The following DTNA variants were observed in gnomAD, a reference collection of about 807,000 sequenced individuals.
The protein encoded by DTNA is dystrobrevin alpha.
Under a neutral mutation model 100.7 loss-of-function variants are expected in DTNA, and 43 were observed. The observed-to-expected ratio is 0.43, with a 90% CI of 0.33 to 0.55. The LOEUF is 0.55. Ranked by LOEUF, DTNA falls within the 20% of genes least tolerant of loss-of-function variation. The pLI, the probability that DTNA is intolerant of heterozygous loss-of-function variation, is 0.04. For synonymous variants in DTNA, 349 were observed against 347.9 expected (o/e 1.00, Z -0.04); for missense variants, 798 against 953.9 (o/e 0.84, Z 2.15).
At chr18:34,520,521 G>A (rs2145197524) in intron 1 of DTNA, among the ~76,000 whole-genome samples, 1 of 152,192 alleles carries the variant, frequency 6.6e-6, no homozygotes, top group Non-Finnish European at 1.5e-5. Flanking sequence ...GGGCATGGTG[G>A]CACATGCCTG....
chr18:34,701,840 G>A (rs573092298), intron 1 of DTNA, among the ~76,000 whole-genome samples: 11 of 152,044 alleles, frequency 7.2e-5, no homozygotes, highest in Non-Finnish European at 1.5e-4. Context: ...CAAATGTGTC[G>A]CTTGTCATTG....
intron 1 of DTNA, among the ~76,000 whole-genome samples, chr18:34,731,581 G>A (rs1225772194): frequency 6.6e-6 from 1 of 152,118 alleles, no homozygotes; most frequent in Admixed American, 6.5e-5. Flanking sequence ...ATGAAGAAAT[G>A]ATGATGATGA....
intron 1 of DTNA, among the ~76,000 whole-genome samples, chr18:34,566,564 T>C (rs1041046359): frequency 6.6e-6 from 1 of 152,342 alleles, no homozygotes; most frequent in African/African-American, 2.4e-5. Flanking sequence ...CTGTCTTCTT[T>C]GAAATATGAG....
chr18:34,635,014 A>G (rs182255994), intron 1 of DTNA, among the ~76,000 whole-genome samples: 40 of 152,208 alleles, frequency 2.6e-4, no homozygotes, highest in Admixed American at 1.3e-4. Flanking sequence ...GTATCCTTCA[A>G]CCAATATCCC....
At chr18:34,818,587 G>C in intron 8 of DTNA, 1 of 1,326,674 alleles carries the variant, frequency 7.5e-7, no homozygotes, top group Admixed American at 3.1e-5. Flanking sequence ...AGATAATTCA[G>C]TACTGATTTA....
At chr18:34,811,129 T>C (rs955730989) in intron 5 of DTNA, among the ~76,000 whole-genome samples, 1 of 152,192 alleles carries the variant, frequency 6.6e-6, no homozygotes, top group Non-Finnish European at 1.5e-5. Flanking sequence ...ACAAACTATA[T>C]AATAGCAAAC....
At chr18:34,805,673 A>G (rs756840554) in intron 4 of DTNA, among the ~76,000 whole-genome samples, 2 of 152,112 alleles carry the variant, frequency 1.3e-5, no homozygotes, top group Non-Finnish European at 2.9e-5. Context: ...TTTGAAAAGT[A>G]AATATATCAC....
At chr18:34,622,421 G>C (rs567151051) in intron 1 of DTNA, among the ~76,000 whole-genome samples, 15 of 152,292 alleles carry the variant, frequency 9.8e-5, no homozygotes, top group South Asian at 6.2e-4. Flanking sequence ...CTACGGTTTG[G>C]TGTACATGAC....
At chr18:34,778,430 G>T (rs897154140) in intron 3 of DTNA, among the ~76,000 whole-genome samples, 1 of 152,076 alleles carries the variant, frequency 6.6e-6, no homozygotes, top group Non-Finnish European at 1.5e-5. Context: ...TGTATTCAAT[G>T]CTTTTTAAAA....
intron 2 of DTNA, among the ~76,000 whole-genome samples, chr18:34,765,622 A>G (rs771482913): frequency 1.3e-5 from 2 of 152,210 alleles, no homozygotes; most frequent in Non-Finnish European, 2.9e-5. Flanking sequence ...TGATGATAGT[A>G]TCTATATCAT....
At chr18:34,631,482 T>C (rs1453869616) in intron 1 of DTNA, among the ~76,000 whole-genome samples, 1 of 152,150 alleles carries the variant, frequency 6.6e-6, no homozygotes, top group Non-Finnish European at 1.5e-5. Flanking sequence ...GTGTCACTGT[T>C]GATATTTGAA....
chr18:34,808,324 G>A (rs777057153), intron 5 of DTNA, among the ~76,000 whole-genome samples: 7 of 152,276 alleles, frequency 4.6e-5, no homozygotes, highest in Middle Eastern at 6.8e-3. Flanking sequence ...TGAGGGAGGG[G>A]GGCTTGGTGG....
At chr18:34,583,392 AATTTGTTCCCTTT>A (rs1375654800) in intron 1 of DTNA, among the ~76,000 whole-genome samples, 2 of 152,092 alleles carry the variant, frequency 1.3e-5, no homozygotes, top group Admixed American at 1.3e-4. Flanking sequence ...GATGTTTGAG[AATTTGTTCCCTTT>A]ATAAGGCAGT....
At chr18:34,873,142 T>A (rs2096781676) in intron 17 of DTNA, among the ~76,000 whole-genome samples, 1 of 152,140 alleles carries the variant, frequency 6.6e-6, no homozygotes, top group Non-Finnish European at 1.5e-5. Context: ...ACTAGGAAAA[T>A]GAAACAAAAC....
At chr18:34,604,159 G>A (rs1381538800) in intron 1 of DTNA, among the ~76,000 whole-genome samples, 2 of 152,096 alleles carry the variant, frequency 1.3e-5, no homozygotes, top group Non-Finnish European at 2.9e-5. Context: ...AAATATTAAG[G>A]TGGCTTAGGC....
intron 1 of DTNA, among the ~76,000 whole-genome samples, chr18:34,670,397 C>T (rs913036279): frequency 6.6e-6 from 1 of 152,100 alleles, no homozygotes; most frequent in African/African-American, 2.4e-5. Flanking sequence ...GAAGTTTGAT[C>T]GTCTGAAGCC....
At chr18:34,790,549 C>CTATATATATATATATATATATATA (rs67141918) in intron 3 of DTNA, among the ~76,000 whole-genome samples, 2 of 96,204 alleles carry the variant, frequency 2.1e-5, no homozygotes, top group Admixed American at 1.3e-4. Context: ...AAGCAGCATA[C>CTATATATATATATATATATATATA]TATATATATA....
intron 1 of DTNA, among the ~76,000 whole-genome samples, chr18:34,599,421 A>G (rs1383215145): frequency 6.6e-6 from 1 of 152,220 alleles, no homozygotes; most frequent in Non-Finnish European, 1.5e-5. Flanking sequence ...CATTAATTCA[A>G]TAATTTGAAC....
rs150179542 is a variant in DTNA, at chr18:34,699,159, G to GCACACACA, written c.-1-56804_-1-56797dup. 6.2e-4 allele frequency among the ~76,000 whole-genome samples: 93 copies of GCACACACA among 149,638 alleles called. 1 individual carries two copies. The highest frequency in any genetic ancestry group is 8.9e-5 in the Non-Finnish European group (6 of 67,184). On this transcript the variant is annotated intron_variant, in intron 1 of 19. Transcript: ENST00000283365. ...ACAGAACCAATATGTACTCACATGT[G>GCACACACA]CACACACACACACACACACATCTAT...
Sources: gnomAD v4.1 joint callset for allele counts (sites outside exome capture counted in the v4.1 genomes callset) on GRCh38, gnomAD v4.1.1 for gene constraint, MANE v1.5 for transcripts, NCBI Gene and HGNC (gene_info 2026-07-23, HGNC 2026-07-21) for gene names.